Variants in TAF12 observed in about 807,000 individuals in gnomAD.
The protein encoded by TAF12 is TATA-box binding protein associated factor 12.
Under a neutral mutation model 20.8 loss-of-function variants are expected in TAF12, and 3 were observed. The ratio of observed to expected loss-of-function variants is 0.14; its 90% confidence interval spans 0.07 to 0.37. The LOEUF (loss-of-function observed/expected upper bound fraction) is 0.37, where lower values mean the gene tolerates loss of function less well. TAF12 is among the 10% of genes least tolerant of loss of function. TAF12 has a pLI of 1.00. For synonymous variants in TAF12, 69 were observed against 70.2 expected, an observed-to-expected ratio of 0.98 and a Z score of 0.09; for missense variants, 131 against 197.9, an observed-to-expected ratio of 0.66 and a Z score of 2.03.
chr1:28,607,543 G>A (rs923602526), intron 4 of TAF12, among the ~76,000 whole-genome samples: 1 of 152,070 alleles, frequency 6.6e-6, no homozygotes, highest in Non-Finnish European at 1.5e-5. Context: ...ATGGTGGCAG[G>A]TGCCTATAAT....
At chr1:28,648,230 G>A in exon 1 of TAF12, 1 of 985,244 alleles carries the variant, frequency 1.0e-6, no homozygotes, top group Non-Finnish European at 1.2e-6. Flanking sequence ...GTATTCCAAC[G>A]CCATGAGACG....
intron 1 of TAF12, among the ~76,000 whole-genome samples, chr1:28,633,302 G>A (rs1329108702): frequency 6.6e-6 from 1 of 150,830 alleles, no homozygotes; most frequent in East Asian, 2.0e-4. Context: ...GAGTAGCTGG[G>A]ATTACAGGCA....
At chr1:28,629,796 C>A (rs1667558610) in intron 1 of TAF12, among the ~76,000 whole-genome samples, 1 of 152,006 alleles carries the variant, frequency 6.6e-6, no homozygotes, top group Admixed American at 6.6e-5. Flanking sequence ...GCAAACCACA[C>A]CTGGCTAATT....
At chr1:28,620,285 C>G (rs1456618002) in intron 2 of TAF12, among the ~76,000 whole-genome samples, 1 of 151,414 alleles carries the variant, frequency 6.6e-6, no homozygotes, top group Non-Finnish European at 1.5e-5. Flanking sequence ...AGGTGTGCAC[C>G]ACCATGCCAG....
At chr1:28,642,241 G>C (rs1421896108) in intron 1 of TAF12, among the ~76,000 whole-genome samples, 1 of 152,162 alleles carries the variant, frequency 6.6e-6, no homozygotes, top group Non-Finnish European at 1.5e-5. Context: ...GAGCCAAGTA[G>C]GCAGTGCGAA....
At chr1:28,627,154 A>G (rs1298706260) in intron 1 of TAF12, among the ~76,000 whole-genome samples, 5 of 152,068 alleles carry the variant, frequency 3.3e-5, no homozygotes, top group Non-Finnish European at 1.5e-5. Flanking sequence ...TGGGAGGCCA[A>G]TGTGTGTGGA....
chr1:28,648,071 C>CGTGACCTT (rs1035868680), upstream of TAF12: 3 of 651,936 alleles, frequency 4.6e-6, no homozygotes, highest in Admixed American at 6.3e-5. Context: ...TCAGCTTATG[C>CGTGACCTT]GTGACCTTGT....
chr1:28,609,643 C>T (rs938191357), intron 4 of TAF12, among the ~76,000 whole-genome samples: 7 of 151,810 alleles, frequency 4.6e-5, no homozygotes, highest in Non-Finnish European at 8.8e-5. Flanking sequence ...TGCACCACCA[C>T]GCTCAGCTAA....
In TAF12 at chr1:28,613,318, G is replaced by C; in HGVS notation, c.290C>G (p.Thr97Arg). 6.2e-7 allele frequency: 1 copy of C among 1,612,204 alleles called. No homozygotes were observed. Among genetic ancestry groups the C allele is most frequent in the Non-Finnish European group, 8.5e-7 (1 of 1,179,352 alleles). The change falls in exon 4 of 6, where the codon ACA becomes AGA. Residue 97 changes from threonine to arginine, a missense_variant. Thr to Arg is a moderately conservative substitution (Grantham distance 71). Coordinates refer to ENST00000373824, the MANE Select transcript of TAF12 (RefSeq NM_005644.4). The part of the protein sequence containing the change: ...IADDFIESVV[T>R]AACQLARHRK... Reference sequence around the variant, plus strand: ...ATGCCGCGCAAGCTGACAGGCTGCTGTCACCACACTCTCGATAAAATCATC... The same window carrying C: ...ATGCCGCGCAAGCTGACAGGCTGCTCTCACCACACTCTCGATAAAATCATC...
chr1:28,635,273 CTCCT>C (rs1667781147), intron 1 of TAF12, among the ~76,000 whole-genome samples: 1 of 145,424 alleles, frequency 6.9e-6, no homozygotes, highest in Non-Finnish European at 1.5e-5. Flanking sequence ...TCTATCCTCC[CTCCT>C]TTTTTTTTTT....
intron 5 of TAF12, 122 bp downstream of exon 5, chr1:28,605,248 CAG>C: frequency 1.1e-6 from 1 of 947,862 alleles, no homozygotes. Flanking sequence ...ACCCTTGCTC[CAG>C]AGAGTGAAGT....
At chr1:28,646,372 T>C (rs982071912), upstream of TAF12, 6 of 152,228 alleles carry the variant, frequency 3.9e-5, no homozygotes, top group African/African-American at 1.4e-4. Flanking sequence ...ATACAACACA[T>C]CTGCTTCCTA....
intron 1 of TAF12, among the ~76,000 whole-genome samples, chr1:28,629,477 G>A (rs991989662): frequency 1.3e-5 from 2 of 152,068 alleles, no homozygotes; most frequent in Non-Finnish European, 1.5e-5. Flanking sequence ...GGGATTACAG[G>A]CACGTACTAC....
intron 1 of TAF12, among the ~76,000 whole-genome samples, chr1:28,637,562 G>A: frequency 6.6e-6 from 1 of 152,044 alleles, no homozygotes. Context: ...CTACTCGGGA[G>A]GCTGAGGTAG....
At chr1:28,626,183 T>C (rs1667380280) in intron 1 of TAF12, among the ~76,000 whole-genome samples, 1 of 151,458 alleles carries the variant, frequency 6.6e-6, no homozygotes, top group Admixed American at 6.6e-5. Context: ...TTCACCATGT[T>C]AGTCAGGCTA....
chr1:28,626,097 G>A (rs1366433804), intron 1 of TAF12, among the ~76,000 whole-genome samples: 2 of 151,778 alleles, frequency 1.3e-5, no homozygotes, highest in African/African-American at 4.8e-5. Flanking sequence ...TCCTGCCTCA[G>A]CCTCCTGGGT....
upstream of TAF12, among the ~76,000 whole-genome samples, chr1:28,644,066 A>C (rs191597629): frequency 6.6e-6 from 1 of 151,526 alleles, no homozygotes; most frequent in Admixed American, 6.6e-5. Context: ...AAAAAAAAAG[A>C]GAACAGCTGT....
At chr1:28,626,030 G>C (rs1667373656) in intron 1 of TAF12, among the ~76,000 whole-genome samples, 1 of 151,688 alleles carries the variant, frequency 6.6e-6, no homozygotes, top group East Asian at 2.0e-4. Context: ...CCCCAGGCTG[G>C]AGTGCAGCGG....
At chr1:28,617,903 C>T in intron 3 of TAF12, 50 bp downstream of exon 3, 4 of 1,539,542 alleles carry the variant, frequency 2.6e-6, no homozygotes, top group Non-Finnish European at 3.6e-6. Flanking sequence ...AACCACTATG[C>T]TATACCGGTT....
Sources: allele counts gnomAD v4.1 joint callset (sites outside exome capture counted in the v4.1 genomes callset), GRCh38; gene constraint gnomAD v4.1.1; transcripts MANE v1.5; gene names NCBI Gene and HGNC (gene_info 2026-07-23, HGNC 2026-07-21).